CCDC6: variants seen among roughly 807,000 people sequenced by gnomAD.
CCDC6 encodes coiled-coil domain-containing protein 6.
CCDC6 carries 20 observed loss-of-function variants against 56.6 expected under a neutral mutation model. That is an observed-to-expected ratio of 0.35 (90% confidence interval 0.25 to 0.51). CCDC6 has a LOEUF of 0.51. Among genes scored for constraint, CCDC6 ranks in the 20% least tolerant of loss-of-function variants. CCDC6 has a pLI of 0.95. For synonymous variants in CCDC6, 241 were observed against 234.4 expected, an observed-to-expected ratio of 1.03 and a Z score of -0.26; for missense variants, 367 against 601.1, an observed-to-expected ratio of 0.61 and a Z score of 4.07.
chr10:59,895,962 G>C (rs72811531), intron 1 of CCDC6, among the ~76,000 whole-genome samples: 1 of 152,128 alleles, frequency 6.6e-6, no homozygotes, highest in Admixed American at 6.5e-5. Flanking sequence ...GCAGCCCAAG[G>C]CTTGGCCAAA....
At chr10:59,794,024 T>G (rs1286391872) in intron 8 of CCDC6, among the ~76,000 whole-genome samples, 1 of 151,994 alleles carries the variant, frequency 6.6e-6, no homozygotes, top group African/African-American at 2.4e-5. Context: ...TTGGGTAGAG[T>G]TGGAACCAGA....
At chr10:59,849,849 A>C (rs778368585) in intron 2 of CCDC6, among the ~76,000 whole-genome samples, 2 of 152,234 alleles carry the variant, frequency 1.3e-5, no homozygotes, top group Non-Finnish European at 2.9e-5. Flanking sequence ...TACTCCAAGA[A>C]TCTTCCAGAT....
intron 2 of CCDC6, among the ~76,000 whole-genome samples, chr10:59,843,355 T>C (rs908564916): frequency 3.3e-5 from 5 of 152,228 alleles, no homozygotes; most frequent in Admixed American, 6.5e-5. Context: ...TACGTTTTTC[T>C]AAGAATTTGT....
chr10:59,887,845 C>G (rs2071394256), intron 1 of CCDC6, among the ~76,000 whole-genome samples: 1 of 152,050 alleles, frequency 6.6e-6, no homozygotes, highest in Non-Finnish European at 1.5e-5. Flanking sequence ...AAGGAGCTAA[C>G]AGAGGAGAAA....
chr10:59,828,644 C>A (rs1380866962), intron 3 of CCDC6, among the ~76,000 whole-genome samples: 1 of 152,140 alleles, frequency 6.6e-6, no homozygotes, highest in African/African-American at 2.4e-5. Flanking sequence ...AAGAAACCCT[C>A]CCAATCTCTC....
chr10:59,880,619 A>C (rs1433820883), intron 1 of CCDC6, among the ~76,000 whole-genome samples: 1 of 152,182 alleles, frequency 6.6e-6, no homozygotes, highest in Non-Finnish European at 1.5e-5. Flanking sequence ...ATCAAAATGT[A>C]CACTTACCAT....
chr10:59,899,131 T>G (rs1208912954), intron 1 of CCDC6, among the ~76,000 whole-genome samples: 33 of 152,116 alleles, frequency 2.2e-4, no homozygotes, highest in Admixed American at 2.2e-3. Flanking sequence ...AATCTGCAAG[T>G]TAACACCACC....
At chr10:59,818,404 G>A (rs2070724162) in intron 3 of CCDC6, among the ~76,000 whole-genome samples, 1 of 149,900 alleles carries the variant, frequency 6.7e-6, no homozygotes, top group South Asian at 2.1e-4. Context: ...TTTCCATGAT[G>A]CAGGCAACAC....
intron 4 of CCDC6, among the ~76,000 whole-genome samples, chr10:59,813,367 G>C (rs1392026127): frequency 6.6e-6 from 1 of 152,118 alleles, no homozygotes; most frequent in Non-Finnish European, 1.5e-5. Context: ...AAAATTGTTA[G>C]GTTAATAATT....
chr10:59,879,980 G>T (rs117695810), intron 1 of CCDC6, among the ~76,000 whole-genome samples: 2,546 of 152,056 alleles, frequency 0.017, 30 homozygotes, highest in Middle Eastern at 0.044. Flanking sequence ...TGATAAAACC[G>T]AATTTAACTT....
chr10:59,851,316 C>T (rs2071037420), intron 2 of CCDC6, among the ~76,000 whole-genome samples: 1 of 152,022 alleles, frequency 6.6e-6, no homozygotes, highest in Non-Finnish European at 1.5e-5. Flanking sequence ...TCTTCTCCAT[C>T]CATTTTTCTC....
intron 1 of CCDC6, among the ~76,000 whole-genome samples, chr10:59,899,986 C>G (rs1159191947): frequency 1.3e-5 from 2 of 152,132 alleles, no homozygotes; most frequent in African/African-American, 4.8e-5. Context: ...GGGAGTGGCT[C>G]TATGAAGACA....
chr10:59,904,130 T>C (rs1255618501), intron 1 of CCDC6, among the ~76,000 whole-genome samples: 1 of 152,230 alleles, frequency 6.6e-6, no homozygotes, highest in Non-Finnish European at 1.5e-5. Flanking sequence ...TAAAACAATG[T>C]TAACTTTACT....
At chr10:59,860,564 C>T (rs1383669161) in intron 1 of CCDC6, among the ~76,000 whole-genome samples, 1 of 152,038 alleles carries the variant, frequency 6.6e-6, no homozygotes, top group African/African-American at 2.4e-5. Flanking sequence ...AGCAAGAACA[C>T]CGAGGAAAGT....
intron 1 of CCDC6, among the ~76,000 whole-genome samples, chr10:59,861,839 T>C (rs975702098): frequency 8.5e-5 from 13 of 152,226 alleles, no homozygotes; most frequent in Non-Finnish European, 1.5e-4. Flanking sequence ...GGTTATCAAA[T>C]GGTCCAACAA....
chr10:59,898,217 T>C (rs1190837850), intron 1 of CCDC6, among the ~76,000 whole-genome samples: 1 of 152,160 alleles, frequency 6.6e-6, no homozygotes, highest in East Asian at 1.9e-4. Context: ...ATAATTTCCA[T>C]GTACTGACAG....
At chr10:59,868,636 C>T (rs553461389) in intron 1 of CCDC6, among the ~76,000 whole-genome samples, 65 of 152,294 alleles carry the variant, frequency 4.3e-4, no homozygotes, top group Admixed American at 3.3e-3. Context: ...TTATTCTTCA[C>T]GCTTTCCTCC....
intron 2 of CCDC6, among the ~76,000 whole-genome samples, chr10:59,841,559 A>G (rs1203194984): frequency 6.6e-6 from 1 of 152,222 alleles, no homozygotes; most frequent in African/African-American, 2.4e-5. Flanking sequence ...TGGCAGTATT[A>G]GTTCCTCCTT....
intron 3 of CCDC6, among the ~76,000 whole-genome samples, chr10:59,821,898 T>C (rs764361370): frequency 7.9e-5 from 12 of 152,154 alleles, no homozygotes; most frequent in Non-Finnish European, 1.2e-4. Flanking sequence ...CTGCCCAATT[T>C]CTTAATCAAC....
Sources: allele counts gnomAD v4.1 joint callset (sites outside exome capture counted in the v4.1 genomes callset), GRCh38; gene constraint gnomAD v4.1.1; transcripts MANE v1.5; gene names NCBI Gene and HGNC (gene_info 2026-07-23, HGNC 2026-07-21).